The following NBEA variants were observed in gnomAD, a reference collection of about 807,000 sequenced individuals.
NBEA encodes neurobeachin.
In NBEA, 44 loss-of-function variants were observed where a neutral mutation model predicts 343.4. That is an observed-to-expected ratio of 0.13 (90% CI 0.10 to 0.16). The LOEUF is 0.16. Ranked by LOEUF, NBEA falls within the 10% of genes least tolerant of loss-of-function variation. The pLI is 1.00. For missense variants in NBEA, 2,555 were observed against 3,631.3 expected (o/e 0.70, Z 7.62); for synonymous variants, 1,175 against 1,238.7 (o/e 0.95, Z 1.08).
At chr13:35,234,837 T>A (rs1169683854) in intron 34 of NBEA, among the ~76,000 whole-genome samples, 1 of 152,216 alleles carries the variant, frequency 6.6e-6, no homozygotes, top group Non-Finnish European at 1.5e-5. Flanking sequence ...CAAACTCTGT[T>A]TATCCAAAAT....
At chr13:35,534,836 A>G (rs1018731530) in intron 41 of NBEA, among the ~76,000 whole-genome samples, 1 of 152,188 alleles carries the variant, frequency 6.6e-6, no homozygotes, top group Non-Finnish European at 1.5e-5. Flanking sequence ...TTTTTTGATG[A>G]ACAAATTATG....
At chr13:35,444,788 T>C (rs2045911219) in intron 39 of NBEA, among the ~76,000 whole-genome samples, 1 of 152,112 alleles carries the variant, frequency 6.6e-6, no homozygotes, top group African/African-American at 2.4e-5. Flanking sequence ...TTTATATAAT[T>C]AAATATCTGT....
intron 47 of NBEA, among the ~76,000 whole-genome samples, chr13:35,604,814 C>G (rs759227683): frequency 1.3e-5 from 2 of 152,054 alleles, no homozygotes; most frequent in Non-Finnish European, 2.9e-5. Flanking sequence ...GTGCCCGGCC[C>G]CCTCTTCTGG....
chr13:35,150,778 G>A (rs1253813184), intron 18 of NBEA, among the ~76,000 whole-genome samples: 1 of 140,964 alleles, frequency 7.1e-6, no homozygotes, highest in African/African-American at 2.8e-5. Flanking sequence ...AACTTATGGT[G>A]TTGATAATGA....
chr13:35,217,881 C>T (rs969828554), intron 33 of NBEA, among the ~76,000 whole-genome samples: 1 of 152,092 alleles, frequency 6.6e-6, no homozygotes, highest in African/African-American at 2.4e-5. Flanking sequence ...TATTCTAGCC[C>T]TTGGAGCTTT....
intron 39 of NBEA, among the ~76,000 whole-genome samples, chr13:35,446,040 C>T (rs1206541579): frequency 6.7e-6 from 1 of 149,468 alleles, no homozygotes; most frequent in Non-Finnish European, 1.5e-5. Flanking sequence ...TTGTTCAATT[C>T]CCACCTATGA....
Position 35,260,054 on chromosome 13 carries a change from G to A in NBEA, c.5776+27435G>A, listed in dbSNP as rs193235845. Among the ~76,000 whole-genome samples, 7 of 152,266 alleles carry A rather than the reference G, an allele frequency of 4.6e-5. No individual in the cohort carries two copies. In the East Asian group the frequency reaches 1.3e-3, roughly 29 times the overall value. On this transcript the variant is annotated intron_variant, in intron 34 of 58. Transcript: ENST00000379939. ...GAAGATATGGTTATCTTTAATATCTGTAACATAGTATTTTGTATACAATCA... is the reference window on the plus strand; with the variant it reads ...GAAGATATGGTTATCTTTAATATCTATAACATAGTATTTTGTATACAATCA...
intron 31 of NBEA, among the ~76,000 whole-genome samples, chr13:35,200,458 C>CAAAAA (rs5802754): frequency 3.1e-4 from 42 of 137,150 alleles, no homozygotes; most frequent in Non-Finnish European, 5.8e-4. Context: ...GAACAAAAGA[C>CAAAAA]AAAAAAAAAA....
chr13:35,201,513 T>C (rs553112859), intron 31 of NBEA, among the ~76,000 whole-genome samples: 1 of 152,166 alleles, frequency 6.6e-6, no homozygotes, highest in South Asian at 2.1e-4. Context: ...TTCAACGTTT[T>C]CTTTCAAGAT....
chr13:35,011,880 AT>A (rs1482485416), intron 1 of NBEA, among the ~76,000 whole-genome samples: 2 of 152,100 alleles, frequency 1.3e-5, no homozygotes, highest in East Asian at 3.9e-4. Context: ...ATTCTTTGTG[AT>A]TTTTTACTAT....
At chr13:35,273,352 G>C (rs1006704633) in intron 34 of NBEA, among the ~76,000 whole-genome samples, 1 of 152,100 alleles carries the variant, frequency 6.6e-6, no homozygotes, top group Non-Finnish European at 1.5e-5. Context: ...ACATTTAAAG[G>C]AGTGTGTAGA....
intron 41 of NBEA, among the ~76,000 whole-genome samples, chr13:35,529,490 A>G (rs1340562027): frequency 6.6e-6 from 1 of 152,212 alleles, no homozygotes; most frequent in Non-Finnish European, 1.5e-5. Context: ...GAAAAACACT[A>G]AAGTGTAGTA....
intron 36 of NBEA, among the ~76,000 whole-genome samples, chr13:35,324,541 G>T (rs2038404406): frequency 6.6e-6 from 1 of 152,066 alleles, no homozygotes. Flanking sequence ...GAAGTTCTTA[G>T]CACTTATTAA....
intron 36 of NBEA, among the ~76,000 whole-genome samples, chr13:35,331,814 G>T (rs930277650): frequency 6.6e-6 from 1 of 151,882 alleles, no homozygotes; most frequent in Non-Finnish European, 1.5e-5. Flanking sequence ...TTCTGTTTCT[G>T]TTTCCTATGG....
At chr13:35,218,710 G>A (rs557053318) in intron 33 of NBEA, among the ~76,000 whole-genome samples, 9 of 151,940 alleles carry the variant, frequency 5.9e-5, no homozygotes, top group East Asian at 1.9e-4. Context: ...CTATCATGAC[G>A]TATGTTGAAG....
intron 1 of NBEA, among the ~76,000 whole-genome samples, chr13:34,969,955 C>G (rs1319948988): frequency 6.6e-6 from 1 of 152,098 alleles, no homozygotes; most frequent in Non-Finnish European, 1.5e-5. Flanking sequence ...GTCTTTAGGT[C>G]TTTGAGAAAT....
At chr13:34,997,320 G>T (rs988187384) in intron 1 of NBEA, among the ~76,000 whole-genome samples, 4 of 152,164 alleles carry the variant, frequency 2.6e-5, no homozygotes, top group African/African-American at 7.2e-5. Flanking sequence ...AAGCCTAGCT[G>T]GGCTCTCCAT....
At chr13:35,153,918 A>C (rs977049657) in intron 18 of NBEA, among the ~76,000 whole-genome samples, 18 of 152,326 alleles carry the variant, frequency 1.2e-4, no homozygotes, top group Middle Eastern at 3.4e-3. Flanking sequence ...AAAACTACTT[A>C]TACGTATATA....
At chr13:35,560,436 T>G (rs1398125864) in intron 44 of NBEA, among the ~76,000 whole-genome samples, 1 of 152,216 alleles carries the variant, frequency 6.6e-6, no homozygotes, top group African/African-American at 2.4e-5. Flanking sequence ...TAGTACTAGA[T>G]CTGGGCCTGG....
Sources: allele counts gnomAD v4.1 joint callset (sites outside exome capture counted in the v4.1 genomes callset), GRCh38; gene constraint gnomAD v4.1.1; transcripts MANE v1.5; gene names NCBI Gene and HGNC (gene_info 2026-07-23, HGNC 2026-07-21).